TMEM248: variants seen among roughly 807,000 people sequenced by gnomAD.
The protein encoded by TMEM248 is UPF0458 protein C7orf42.
Under a neutral mutation model 30.3 loss-of-function variants are expected in TMEM248, and 9 were observed. That is an observed-to-expected ratio of 0.30 (90% CI 0.18 to 0.52). The LOEUF (loss-of-function observed/expected upper bound fraction) is 0.52, where lower values mean the gene tolerates loss of function less well. Ranked by LOEUF, TMEM248 falls within the 20% of genes least tolerant of loss-of-function variation. The pLI is 0.97. For missense variants in TMEM248, 338 were observed against 403.3 expected, an observed-to-expected ratio of 0.84 and a Z score of 1.39; for synonymous variants, 184 against 154.4, an observed-to-expected ratio of 1.19 and a Z score of -1.42.
At chr7:66,922,283 C>G (rs766716747) in intron 1 of TMEM248, 2 of 152,168 alleles carry the variant, frequency 1.3e-5, no homozygotes. Flanking sequence ...AGAAAAACTC[C>G]GAGACTGCTG....
intron 1 of TMEM248, among the ~76,000 whole-genome samples, chr7:66,941,581 C>A (rs1028960102): frequency 3.3e-5 from 5 of 151,512 alleles, no homozygotes; most frequent in Non-Finnish European, 4.4e-5. Flanking sequence ...CACACACACA[C>A]ACACACACAC....
At chr7:66,933,992 A>G (rs1328498714) in intron 1 of TMEM248, among the ~76,000 whole-genome samples, 6 of 151,320 alleles carry the variant, frequency 4.0e-5, no homozygotes, top group African/African-American at 7.3e-5. Context: ...ACAGAACTTA[A>G]TTTATTCATT....
chr7:66,945,945 G>A (rs765934355), intron 3 of TMEM248, among the ~76,000 whole-genome samples: 23 of 152,274 alleles, frequency 1.5e-4, no homozygotes, highest in Middle Eastern at 3.4e-3. Flanking sequence ...TTAGCCGGGC[G>A]TGGTGGCAGG....
intron 4 of TMEM248, among the ~76,000 whole-genome samples, chr7:66,949,803 G>GT (rs138580783): frequency 0.11 from 15,950 of 151,510 alleles, 936 homozygotes; most frequent in Non-Finnish European, 0.11. Flanking sequence ...TGCATTTTAG[G>GT]TTTTTTTTGT....
intron 3 of TMEM248, among the ~76,000 whole-genome samples, chr7:66,947,568 A>C (rs1256520932): frequency 6.6e-6 from 1 of 151,952 alleles, no homozygotes; most frequent in East Asian, 1.9e-4. Context: ...ATGCCCAGCT[A>C]ATTTTGTATT....
Position 66,944,525 on chromosome 7 carries a change from G to A in TMEM248, c.160-451G>A, listed in dbSNP as rs144554692. Among the ~76,000 whole-genome samples the A allele has an allele frequency of 1.9e-3, 285 of 152,268 alleles. 2 individuals carry two copies. Among genetic ancestry groups the A allele is most frequent in the African/African-American group, 6.5e-3 (272 of 41,550 alleles). On this transcript the variant is annotated intron_variant, in intron 2 of 6. Coordinates refer to ENST00000341567, the MANE Select transcript of TMEM248 (RefSeq NM_017994.5). ...TTTGTGTTCTAGAGAAAGAGAGCAA[G>A]GTGTATGGAATTGACCTTTTGGGAC...
At chr7:66,943,724 A>G (rs1453435300) in intron 2 of TMEM248, among the ~76,000 whole-genome samples, 1 of 152,224 alleles carries the variant, frequency 6.6e-6, no homozygotes, top group Non-Finnish European at 1.5e-5. Context: ...CAGTCTTACT[A>G]AATGTCACAT....
chr7:66,937,684 A>G (rs1023639115), intron 1 of TMEM248, among the ~76,000 whole-genome samples: 2 of 151,908 alleles, frequency 1.3e-5, no homozygotes, highest in African/African-American at 2.4e-5. Flanking sequence ...TTTGGTTTCC[A>G]TTTGCATGGA....
chr7:66,952,369 C>T (rs1317872389), intron 5 of TMEM248, among the ~76,000 whole-genome samples: 2 of 152,176 alleles, frequency 1.3e-5, no homozygotes, highest in South Asian at 2.1e-4. Flanking sequence ...CCACTATGCC[C>T]GACCTTTGCC....
chr7:66,954,240 A>G (rs1023493408), intron 6 of TMEM248, among the ~76,000 whole-genome samples: 2 of 152,092 alleles, frequency 1.3e-5, no homozygotes, highest in East Asian at 1.9e-4. Context: ...CACTGGGCCC[A>G]GCTTCTAGGT....
rs1392553093 is a variant in TMEM248 at position 66,956,536 on chromosome 7, C to G, written c.*1014C>G. On this transcript the variant is annotated 3_prime_UTR_variant, in exon 7 of 7. Coordinates refer to ENST00000341567, the MANE Select transcript of TMEM248 (RefSeq NM_017994.5). ...CTCCCTTTTGTTTTGCTTTTATTTT[C>G]ATGCTACTAACATATCTTCAGAAGG... 1 of 152,102 alleles carries G rather than the reference C, an allele frequency of 6.6e-6. No individual in the cohort carries two copies. The highest frequency in any genetic ancestry group is 1.5e-5 in the Non-Finnish European group (1 of 68,024). The allele number at this position is 152,102 out of a possible 1,614,324, so 9.4% of individuals were successfully genotyped here.
chr7:66,945,434 A>G (rs1792074087), intron 3 of TMEM248, among the ~76,000 whole-genome samples, 173 bp downstream of exon 3: 1 of 152,190 alleles, frequency 6.6e-6, no homozygotes, highest in South Asian at 2.1e-4. Context: ...TTACATGGTA[A>G]AGTACCTGGC....
intron 1 of TMEM248, among the ~76,000 whole-genome samples, chr7:66,938,776 G>T (rs1449344222): frequency 3.9e-5 from 6 of 152,194 alleles, no homozygotes; most frequent in African/African-American, 1.4e-4. Context: ...AAAGTGCTGG[G>T]ATTACAGGCG....
rs1791632361 is a variant in TMEM248 at position 66,930,332 on chromosome 7, A to G, written c.-19+8871A>G. 2.6e-5 allele frequency among the ~76,000 whole-genome samples: 4 copies of G among 152,140 alleles called. No individual in the cohort carries two copies. The South Asian group carries it at 8.3e-4, about 32-fold the overall frequency. ...GAGGTGAGTAGGTACATAAAATGGGATTAAGGCATGAATGAGCGTGTCCCC... is the reference window on the plus strand; with the variant it reads ...GAGGTGAGTAGGTACATAAAATGGGGTTAAGGCATGAATGAGCGTGTCCCC... On this transcript the variant is annotated intron_variant, in intron 1 of 6. Transcript: ENST00000341567.
In TMEM248 at chr7:66,941,798, C is replaced by T. The variant is rs573245961; in HGVS notation, c.-18-50C>T. On this transcript the variant is annotated intron_variant, in intron 1 of 6. Coordinates refer to ENST00000341567, the MANE Select transcript of TMEM248 (RefSeq NM_017994.5). ...TCAAAAGGAAACAAAAGAATCATAGCTTTCCTGTTGGCAAGTCAGTCCTTG... is the reference window on the plus strand; with the variant it reads ...TCAAAAGGAAACAAAAGAATCATAGTTTTCCTGTTGGCAAGTCAGTCCTTG... 2.0e-6 allele frequency: 3 copies of T among 1,505,572 alleles called. No individual in the cohort carries two copies. The East Asian group carries it at 7.0e-5, about 35-fold the overall frequency. 93.3% of individuals were successfully genotyped at this position (1,505,572 alleles called of 1,614,324 possible).
intron 1 of TMEM248, 115 bp from the exon 2 acceptor site, chr7:66,941,733 G>A (rs1429690180): frequency 2.7e-6 from 2 of 753,034 alleles, no homozygotes; most frequent in Non-Finnish European, 4.2e-6. Context: ...CTCAAATTCA[G>A]TAATGAGTGC....
intron 1 of TMEM248, among the ~76,000 whole-genome samples, chr7:66,927,615 T>C (rs1281474299): frequency 2.7e-5 from 4 of 149,014 alleles, no homozygotes; most frequent in Non-Finnish European, 4.5e-5. Flanking sequence ...TTTTTTTAAT[T>C]TGGGTTTTGT....
At chr7:66,921,866 C>G (rs1204444617) in intron 1 of TMEM248, 1 of 152,260 alleles carries the variant, frequency 6.6e-6, no homozygotes, top group Non-Finnish European at 1.5e-5. Flanking sequence ...GGGAGAGACT[C>G]ACGTACGTCC....
At chr7:66,935,717 T>A (rs1010155880) in intron 1 of TMEM248, among the ~76,000 whole-genome samples, 4 of 152,094 alleles carry the variant, frequency 2.6e-5, no homozygotes, top group Non-Finnish European at 2.9e-5. Context: ...TAATTTTTAT[T>A]TTTTTTAGTA....
Sources: gnomAD v4.1 joint callset for allele counts (sites outside exome capture counted in the v4.1 genomes callset) on GRCh38, gnomAD v4.1.1 for gene constraint, MANE v1.5 for transcripts, NCBI Gene and HGNC (gene_info 2026-07-23, HGNC 2026-07-21) for gene names.